The following MYCBP2 variants were observed in gnomAD, a reference collection of about 807,000 sequenced individuals.
The protein encoded by MYCBP2 is MYC binding protein 2.
Under a neutral mutation model 525.3 loss-of-function variants are expected in MYCBP2, and 120 were observed. The ratio of observed to expected loss-of-function variants is 0.23; its 90% CI spans 0.20 to 0.27. MYCBP2 has a LOEUF of 0.27. Ranked by LOEUF, MYCBP2 falls within the 10% of genes least tolerant of loss-of-function variation. The pLI is 1.00. For synonymous variants in MYCBP2, 1,894 were observed against 1,955.8 expected, an observed-to-expected ratio of 0.97 and a Z score of 0.83; for missense variants, 4,149 against 5,657.1, an observed-to-expected ratio of 0.73 and a Z score of 8.55.
rs1478175305 is a variant in MYCBP2, at chr13:77,177,910, G to A, written c.5178C>T (p.Asn1726=). The A allele has an allele frequency of 1.9e-6, 3 of 1,613,220 alleles. No homozygotes were observed. In the African/African-American group the frequency reaches 4.0e-5, roughly 22 times the overall value. Residue 1726 remains asparagine, a synonymous_variant, in exon 35 of 83, where the codon AAC becomes AAT. Transcript: ENST00000544440. The stretch of plus-strand genomic sequence containing the variant: ...TGCCCTGACTTGTTTTTGTAAATCG[G>A]TTAGCACTAGCTTTTACAGAGTGAA... ...NSLHSVKASA[N]RFTKTSQGRS...
chr13:77,291,439 C>A (rs1461085431), intron 2 of MYCBP2, among the ~76,000 whole-genome samples: 1 of 152,162 alleles, frequency 6.6e-6, no homozygotes, highest in African/African-American at 2.4e-5. Context: ...CAGATTGGAA[C>A]AACCACTTTG....
chr13:77,078,772 G>A lies in MYCBP2; in HGVS notation c.11484+52C>T, dbSNP rs1486744211. On this transcript the variant is annotated intron_variant, in intron 66 of 82. Coordinates refer to ENST00000544440, the MANE Select transcript of MYCBP2 (RefSeq NM_015057.5). ...GGAATTCAATAGTGAAGGCTGAGAA[G>A]AAGAAATTTCTCTCTAGGTAGCGAA... 6.9e-6 allele frequency: 10 copies of A among 1,450,910 alleles called. No individual in the cohort carries two copies. In the East Asian group the frequency reaches 1.8e-4, roughly 26 times the overall value. 89.9% of individuals were successfully genotyped at this position (1,450,910 alleles called of 1,614,324 possible).
chr13:77,263,654 T>A lies in MYCBP2; in HGVS notation c.1567A>T (p.Ile523Leu), dbSNP rs771052099. The change falls in exon 10 of 83, where the codon ATA (isoleucine) becomes TTA (leucine). Residue 523 changes from isoleucine to leucine, a missense_variant. Physicochemically the swap from Ile to Leu is conservative, Grantham distance 5. This residue lies in a region of MYCBP2 where 262 missense variants were observed against 419.3 expected (regional missense o/e 0.62). Coordinates refer to ENST00000544440, the MANE Select transcript of MYCBP2 (RefSeq NM_015057.5). Reference sequence around the variant, plus strand: ...AACACTTAATTTGCTATCTTACTTATAATATGCAAGTCCTTTTCCAGATCG... The same window carrying A: ...AACACTTAATTTGCTATCTTACTTAAAATATGCAAGTCCTTTTCCAGATCG... ...LFDLEKDLHI[I>L]STGFDEESAI... The A allele has an allele frequency of 1.2e-6, 2 of 1,610,022 alleles. No homozygotes were observed. Among genetic ancestry groups the A allele is most frequent in the Middle Eastern group, 1.7e-4 (1 of 6,050 alleles).
At chr13:77,073,625 TTATC>T (rs2041767133) in intron 68 of MYCBP2, among the ~76,000 whole-genome samples, 2 of 152,204 alleles carry the variant, frequency 1.3e-5, no homozygotes, top group South Asian at 4.1e-4. Context: ...GACTACATGA[TTATC>T]TAAGAAAACC....
intron 18 of MYCBP2, among the ~76,000 whole-genome samples, chr13:77,226,181 C>G (rs985463205): frequency 2.0e-5 from 3 of 152,168 alleles, no homozygotes; most frequent in Admixed American, 2.0e-4. Flanking sequence ...GGTTTTCTCC[C>G]TGTCCCCAAT....
chr13:77,180,035 A>G, intron 34 of MYCBP2, 92 bp downstream of exon 34: 1 of 993,616 alleles, frequency 1.0e-6, no homozygotes, highest in Non-Finnish European at 1.5e-6. Context: ...ATCTGAAATT[A>G]GCTTCCACAA....
chr13:77,071,127 C>A (rs1035415697), intron 68 of MYCBP2, among the ~76,000 whole-genome samples: 1 of 143,414 alleles, frequency 7.0e-6, no homozygotes, highest in Non-Finnish European at 1.5e-5. Context: ...TATCGGAACA[C>A]CAAGTCATCA....
At chr13:77,204,136 C>T (rs1426947085) in intron 26 of MYCBP2, among the ~76,000 whole-genome samples, 5 of 151,082 alleles carry the variant, frequency 3.3e-5, no homozygotes, top group Admixed American at 2.0e-4. Flanking sequence ...AAAATTTTTG[C>T]AACCTACTCA....
At chr13:77,121,928 CA>C (rs1475284391) in intron 54 of MYCBP2, among the ~76,000 whole-genome samples, 1 of 151,562 alleles carries the variant, frequency 6.6e-6, no homozygotes, top group Non-Finnish European at 1.5e-5. Flanking sequence ...TATCTAGTAC[CA>C]AAAGGAATTT....
intron 43 of MYCBP2, 53 bp downstream of exon 43, chr13:77,164,401 T>C (rs1394249754): frequency 2.8e-5 from 35 of 1,249,430 alleles, no homozygotes; most frequent in Admixed American, 1.8e-5. Flanking sequence ...TTATAATACA[T>C]ACAAAACAAA....
At chr13:77,275,257 A>G (rs554506547) in intron 4 of MYCBP2, among the ~76,000 whole-genome samples, 1 of 152,236 alleles carries the variant, frequency 6.6e-6, no homozygotes. Flanking sequence ...GAAATAGAGA[A>G]TGACTTTCCA....
At chr13:77,319,762 T>C (rs1349752939) in intron 1 of MYCBP2, among the ~76,000 whole-genome samples, 1 of 152,178 alleles carries the variant, frequency 6.6e-6, no homozygotes, top group Non-Finnish European at 1.5e-5. Flanking sequence ...TGCCAAGCGT[T>C]ATCAGTATTA....
chr13:77,061,454 C>A (rs969275817), intron 75 of MYCBP2, among the ~76,000 whole-genome samples, 153 bp from the exon 76 acceptor site: 1 of 152,152 alleles, frequency 6.6e-6, no homozygotes, highest in African/African-American at 2.4e-5. Flanking sequence ...ATCTTCACAG[C>A]AGTCCCTTTT....
In MYCBP2 at chr13:77,064,730, T is replaced by C; in HGVS notation, c.12557A>G (p.His4186Arg). 1 of 1,613,742 alleles carries C rather than the reference T, an allele frequency of 6.2e-7. No individual in the cohort carries two copies. ...IKLIKDMAAG[H>R]LSEAWSRVTK... is the part of the protein sequence containing the mutation. ...CACTCGGGACCAAGCTTCTGACAGA[T>C]GACCCTATTGAGCAGAACAGAGTAT... Residue 4186 changes from histidine to arginine, a missense_variant, in exon 73 of 83, where the codon CAT becomes CGT. This residue lies in a region of MYCBP2 where 148 missense variants were observed against 179.4 expected (regional missense o/e 0.82). Coordinates refer to ENST00000544440, the MANE Select transcript of MYCBP2 (RefSeq NM_015057.5).
chr13:77,205,082 T>C (rs1285778470), intron 26 of MYCBP2, among the ~76,000 whole-genome samples, 174 bp downstream of exon 26: 1 of 152,044 alleles, frequency 6.6e-6, no homozygotes, highest in South Asian at 2.1e-4. Flanking sequence ...AAATTTAGTA[T>C]TACTGTATTC....
At chr13:77,242,502 C>A (rs2154315876) in intron 17 of MYCBP2, among the ~76,000 whole-genome samples, 1 of 152,272 alleles carries the variant, frequency 6.6e-6, no homozygotes, top group South Asian at 2.1e-4. Flanking sequence ...CAAATGAAAC[C>A]TGCAGACCTG....
chr13:77,173,374 T>C (rs1004363504), intron 37 of MYCBP2, among the ~76,000 whole-genome samples: 1 of 152,220 alleles, frequency 6.6e-6, no homozygotes, highest in East Asian at 1.9e-4. Context: ...AAGAGAATAA[T>C]GTACTATTTA....
At chr13:77,217,204 G>A (rs1303444640) in intron 21 of MYCBP2, among the ~76,000 whole-genome samples, 1 of 152,176 alleles carries the variant, frequency 6.6e-6, no homozygotes. Context: ...AGACACTTAG[G>A]TTCAAGAGTT....
At chr13:77,243,311 G>C in intron 16 of MYCBP2, 151 bp from the exon 17 acceptor site, 1 of 700,574 alleles carries the variant, frequency 1.4e-6, no homozygotes, top group Non-Finnish European at 2.4e-6. Context: ...TAGCCAAAAA[G>C]GGAAAAAGAA....
Sources: allele counts gnomAD v4.1 joint callset (sites outside exome capture counted in the v4.1 genomes callset), GRCh38; gene constraint gnomAD v4.1.1; regional missense constraint gnomAD v4.1.1; transcripts MANE v1.5; gene names NCBI Gene and HGNC (gene_info 2026-07-23, HGNC 2026-07-21).